NFIA: variants seen among roughly 807,000 people sequenced by gnomAD.
The protein encoded by NFIA is nuclear factor 1 A-type.
NFIA carries 8 observed loss-of-function variants against 62.8 expected under a neutral mutation model. The ratio of observed to expected loss-of-function variants is 0.13; its 90% CI spans 0.07 to 0.23. The LOEUF (loss-of-function observed/expected upper bound fraction) is 0.23, where lower values mean the gene tolerates loss of function less well. Ranked by LOEUF, NFIA falls within the 10% of genes least tolerant of loss-of-function variation. The probability of loss-of-function intolerance (pLI) is 1.00; values close to 1 mark genes in which losing one functional copy is unlikely to be tolerated. For missense variants in NFIA, 410 were observed against 642.1 expected (o/e 0.64, Z 3.91); for synonymous variants, 235 against 238.1 (o/e 0.99, Z 0.12).
chr1:61,377,527 A>G (rs1397926381), intron 6 of NFIA, among the ~76,000 whole-genome samples: 1 of 152,212 alleles, frequency 6.6e-6, no homozygotes, highest in Non-Finnish European at 1.5e-5. Context: ...TATCCAAGTC[A>G]TGAACAATTA....
intron 3 of NFIA, among the ~76,000 whole-genome samples, chr1:61,302,219 A>G (rs1659532104): frequency 6.6e-6 from 1 of 152,170 alleles, no homozygotes; most frequent in South Asian, 2.1e-4. Context: ...GTACTCTACA[A>G]AAGTCTTGGT....
At chr1:61,189,923 C>A (rs1034646938) in intron 2 of NFIA, among the ~76,000 whole-genome samples, 2 of 152,108 alleles carry the variant, frequency 1.3e-5, no homozygotes, top group African/African-American at 4.8e-5. Flanking sequence ...AACTTTAGTT[C>A]ACATTTACAG....
At chr1:61,195,878 A>G (rs1475229045) in intron 2 of NFIA, among the ~76,000 whole-genome samples, 1 of 152,192 alleles carries the variant, frequency 6.6e-6, no homozygotes, top group African/African-American at 2.4e-5. Context: ...GTATAAAGAA[A>G]GCAGAGTAAA....
intron 2 of NFIA, among the ~76,000 whole-genome samples, chr1:61,102,223 CA>C (rs1202996659): frequency 6.6e-6 from 1 of 152,154 alleles, no homozygotes; most frequent in Non-Finnish European, 1.5e-5. Flanking sequence ...TCATGAAATT[CA>C]AGACAGATTT....
At chr1:61,148,857 A>C (rs1161985977) in intron 2 of NFIA, among the ~76,000 whole-genome samples, 3 of 152,116 alleles carry the variant, frequency 2.0e-5, no homozygotes, top group African/African-American at 7.2e-5. Context: ...TGGGAAATTG[A>C]ACCATTCTCT....
At chr1:61,276,365 G>A (rs1231644584) in intron 2 of NFIA, among the ~76,000 whole-genome samples, 4 of 152,164 alleles carry the variant, frequency 2.6e-5, no homozygotes, top group Non-Finnish European at 5.9e-5. Flanking sequence ...AGTTGCTATA[G>A]AAGTAATATT....
intron 2 of NFIA, among the ~76,000 whole-genome samples, chr1:61,150,365 G>T (rs1648311554): frequency 6.6e-6 from 1 of 152,120 alleles, no homozygotes; most frequent in Non-Finnish European, 1.5e-5. Flanking sequence ...GCCCCAGTAG[G>T]ACTGGGCTGG....
At chr1:61,315,960 A>C (rs1329636500) in intron 3 of NFIA, among the ~76,000 whole-genome samples, 1 of 152,226 alleles carries the variant, frequency 6.6e-6, no homozygotes, top group Non-Finnish European at 1.5e-5. Context: ...AATGTTCCTG[A>C]GAGCTTTAGT....
intron 1 of NFIA, among the ~76,000 whole-genome samples, chr1:61,085,487 C>CT (rs1646202634): frequency 6.6e-6 from 1 of 151,538 alleles, no homozygotes; most frequent in South Asian, 2.1e-4. Flanking sequence ...GTAAAACGTT[C>CT]TTTTTTTCCT....
intron 7 of NFIA, among the ~76,000 whole-genome samples, chr1:61,399,824 G>C (rs1298384828): frequency 6.6e-6 from 1 of 152,050 alleles, no homozygotes; most frequent in Non-Finnish European, 1.5e-5. Context: ...GTGTCTACAA[G>C]ACCTCCTCCC....
At chr1:61,248,580 T>G (rs1426961845) in intron 2 of NFIA, among the ~76,000 whole-genome samples, 3 of 152,196 alleles carry the variant, frequency 2.0e-5, no homozygotes, top group African/African-American at 7.2e-5. Flanking sequence ...ACCGGAGAGC[T>G]CTGAGACAAT....
At chr1:61,330,961 T>A (rs1475964883) in intron 3 of NFIA, among the ~76,000 whole-genome samples, 2 of 152,218 alleles carry the variant, frequency 1.3e-5, no homozygotes, top group Non-Finnish European at 2.9e-5. Flanking sequence ...GAAAGAGATG[T>A]TGTGGTCTGT....
chr1:61,295,475 T>C (rs1456000306), intron 3 of NFIA, among the ~76,000 whole-genome samples: 1 of 152,152 alleles, frequency 6.6e-6, no homozygotes, highest in Non-Finnish European at 1.5e-5. Flanking sequence ...AAGTTCGAAG[T>C]GGTACATTGG....
chr1:61,264,775 A>C (rs570365207), intron 2 of NFIA, among the ~76,000 whole-genome samples: 1 of 152,160 alleles, frequency 6.6e-6, no homozygotes, highest in African/African-American at 2.4e-5. Flanking sequence ...TTACTAAGCA[A>C]ATTACTCACA....
At chr1:61,118,471 G>A (rs1277739115) in intron 2 of NFIA, among the ~76,000 whole-genome samples, 1 of 152,160 alleles carries the variant, frequency 6.6e-6, no homozygotes, top group Non-Finnish European at 1.5e-5. Context: ...CACTTTGAGT[G>A]TGGGAAACAG....
At chr1:61,198,026 G>A (rs1027887034) in intron 2 of NFIA, among the ~76,000 whole-genome samples, 4 of 151,984 alleles carry the variant, frequency 2.6e-5, no homozygotes, top group African/African-American at 4.8e-5. Context: ...GAGAAAGAAC[G>A]AACAGACATA....
In NFIA at chr1:61,387,505, G is replaced by C. The variant is rs145816171; in HGVS notation, c.1075+4140G>C. On this transcript the variant is annotated intron_variant, in intron 7 of 10. Coordinates refer to ENST00000403491, the MANE Select transcript of NFIA (RefSeq NM_001134673.4). ...TTTTTTTTTTTTGAGACGGAGTCTC[G>C]TCAAGCAGTACTTTCAAAGTGAAAC... 5.9e-3 allele frequency among the ~76,000 whole-genome samples: 745 copies of C among 126,936 alleles called. 19 individuals are homozygous for C. Among genetic ancestry groups the C allele is most frequent in the East Asian group, 0.033 (142 of 4,354 alleles). 83.3% of individuals were successfully genotyped at this position (126,936 alleles called of 152,430 possible). A position where few individuals can be genotyped will look rare whatever the true frequency, so the allele number is the denominator to read the frequency against.
chr1:61,306,141 C>T (rs1482215113), intron 3 of NFIA, among the ~76,000 whole-genome samples: 3 of 151,924 alleles, frequency 2.0e-5, no homozygotes, highest in Non-Finnish European at 4.4e-5. Context: ...TGAGCCACCG[C>T]ACCCAGCCTT....
intron 2 of NFIA, among the ~76,000 whole-genome samples, chr1:61,231,130 T>A (rs1207644685): frequency 6.6e-6 from 1 of 152,312 alleles, no homozygotes; most frequent in East Asian, 1.9e-4. Flanking sequence ...TTGTTATTTG[T>A]TGAAATGTAT....
Sources: gnomAD v4.1 joint callset for allele counts (sites outside exome capture counted in the v4.1 genomes callset) on GRCh38, gnomAD v4.1.1 for gene constraint, MANE v1.5 for transcripts, NCBI Gene and HGNC (gene_info 2026-07-23, HGNC 2026-07-21) for gene names.